Variants in DNAJC1 observed in about 807,000 individuals in gnomAD.
The protein encoded by DNAJC1 is dnaJ homolog subfamily C member 1.
Under a neutral mutation model 76.6 loss-of-function variants are expected in DNAJC1, and 58 were observed. The ratio of observed to expected loss-of-function variants is 0.76; its 90% confidence interval spans 0.61 to 0.94. The LOEUF is 0.94. DNAJC1 is among the 40% of genes least tolerant of loss of function. DNAJC1 has a pLI of 0.00. For synonymous variants in DNAJC1, 258 were observed against 267.9 expected (o/e 0.96, Z 0.36); for missense variants, 689 against 677.3 (o/e 1.02, Z -0.19).
At chr10:21,811,104 G>A (rs190733565) in intron 8 of DNAJC1, among the ~76,000 whole-genome samples, 3 of 152,236 alleles carry the variant, frequency 2.0e-5, no homozygotes, top group South Asian at 2.1e-4. Context: ...GACCTCCTCC[G>A]CTGAGGAGAT....
intron 9 of DNAJC1, among the ~76,000 whole-genome samples, chr10:21,796,311 A>G (rs1374484413): frequency 2.0e-5 from 3 of 152,102 alleles, no homozygotes; most frequent in Non-Finnish European, 4.4e-5. Context: ...TATTATATGT[A>G]CATCCCACAT....
chr10:21,929,277 T>C, intron 1 of DNAJC1, 136 bp from the exon 2 acceptor site: 1 of 609,486 alleles, frequency 1.6e-6, no homozygotes, highest in Non-Finnish European at 2.9e-6. Flanking sequence ...CAATCAGTCT[T>C]AACAACCAGG....
At chr10:21,903,530 A>T (rs905140232) in intron 7 of DNAJC1, among the ~76,000 whole-genome samples, 1 of 152,214 alleles carries the variant, frequency 6.6e-6, no homozygotes, top group Non-Finnish European at 1.5e-5. Flanking sequence ...GGTGTTTTAC[A>T]TGGCTAGGTG....
At chr10:21,801,612 T>A (rs1384524107) in intron 9 of DNAJC1, among the ~76,000 whole-genome samples, 1 of 152,150 alleles carries the variant, frequency 6.6e-6, no homozygotes, top group Non-Finnish European at 1.5e-5. Flanking sequence ...CTACCCTTTC[T>A]TTGACTCAGC....
At chr10:21,851,616 C>T (rs1835755482) in intron 8 of DNAJC1, among the ~76,000 whole-genome samples, 1 of 152,120 alleles carries the variant, frequency 6.6e-6, no homozygotes, top group South Asian at 2.1e-4. Context: ...ACCATCATCA[C>T]CTAGCAATTC....
chr10:22,003,566 C>T lies in DNAJC1; in HGVS notation c.-132G>A, dbSNP rs997606419. The T allele has an allele frequency of 8.8e-7, 1 of 1,131,510 alleles. No individual in the cohort carries two copies. The highest frequency in any genetic ancestry group is 1.6e-5 in the African/African-American group (1 of 61,246). 70.1% of individuals were successfully genotyped at this position (1,131,510 alleles called of 1,614,324 possible). A position where few individuals can be genotyped will look rare whatever the true frequency, so the allele number is the denominator to read the frequency against. On this transcript the variant is annotated 5_prime_UTR_variant, in exon 1 of 12. Transcript: ENST00000376980. ...CGGGCAGGCGCACCGGAGCGGCCCG[C>T]CAGGTGGCTGGCCCCAGACAGAGCG... is the stretch of plus-strand genomic sequence containing the variant.
intron 7 of DNAJC1, among the ~76,000 whole-genome samples, chr10:21,899,025 A>G (rs1227895307): frequency 6.6e-6 from 1 of 152,106 alleles, no homozygotes; most frequent in Non-Finnish European, 1.5e-5. Flanking sequence ...ATGGCCCCCC[A>G]GAGAGTGGCA....
chr10:21,875,422 T>C (rs969087364), intron 8 of DNAJC1, among the ~76,000 whole-genome samples: 6 of 152,100 alleles, frequency 3.9e-5, no homozygotes, highest in African/African-American at 1.4e-4. Flanking sequence ...TCCTGAAGTG[T>C]TAGGATTACA....
At chr10:21,846,859 G>GA (rs1213934294) in intron 8 of DNAJC1, among the ~76,000 whole-genome samples, 1 of 148,426 alleles carries the variant, frequency 6.7e-6, no homozygotes, top group Non-Finnish European at 1.5e-5. Flanking sequence ...TATCAAAGAT[G>GA]AAAGACAAAT....
chr10:21,996,983 A>G (rs1219001451), intron 1 of DNAJC1, among the ~76,000 whole-genome samples: 2 of 152,232 alleles, frequency 1.3e-5, no homozygotes, highest in African/African-American at 4.8e-5. Context: ...GATTCTGTGT[A>G]TCTCTTTCTC....
chr10:21,797,452 C>A (rs1336146872), intron 9 of DNAJC1, among the ~76,000 whole-genome samples: 3 of 152,166 alleles, frequency 2.0e-5, no homozygotes, highest in African/African-American at 7.2e-5. Flanking sequence ...TCCATATACA[C>A]TTCAGGATTG....
At chr10:21,818,599 C>T (rs958911342) in intron 8 of DNAJC1, among the ~76,000 whole-genome samples, 4 of 152,108 alleles carry the variant, frequency 2.6e-5, no homozygotes, top group Non-Finnish European at 4.4e-5. Context: ...CGGAAACTGC[C>T]GACATGTGAT....
At position 21,969,758 on chromosome 10, in the gene DNAJC1, C is replaced by G. The variant is rs555779901; in HGVS notation, c.222+33455G>C. ...CTATGAATAGCAGGAACAGTGATTA[C>G]TCTATGATTCACTATACAGCACCTT... On this transcript the variant is annotated intron_variant, in intron 1 of 11. Transcript: ENST00000376980. Among the ~76,000 whole-genome samples the G allele has an allele frequency of 2.0e-5, 3 of 152,234 alleles. No individual in the cohort carries two copies. In the South Asian group the frequency reaches 6.2e-4, roughly 32 times the overall value.
chr10:21,807,761 A>G (rs1016602894), intron 8 of DNAJC1, among the ~76,000 whole-genome samples: 2 of 152,186 alleles, frequency 1.3e-5, no homozygotes, highest in Admixed American at 6.5e-5. Context: ...ACATGCATAA[A>G]TTCACTTATA....
intron 8 of DNAJC1, 75 bp from the exon 9 acceptor site, chr10:21,806,174 T>C: frequency 2.0e-6 from 3 of 1,490,772 alleles, no homozygotes; most frequent in Non-Finnish European, 9.0e-7. Context: ...TAAAAAAAGA[T>C]AATTGAGAGA....
chr10:21,835,932 T>C (rs1035212508), intron 8 of DNAJC1, among the ~76,000 whole-genome samples: 3 of 152,052 alleles, frequency 2.0e-5, no homozygotes, highest in Non-Finnish European at 4.4e-5. Flanking sequence ...ACTTCCCCAA[T>C]CTAGCAAGGC....
At chr10:21,956,850 AC>A (rs1164832267) in intron 1 of DNAJC1, among the ~76,000 whole-genome samples, 8 of 148,712 alleles carry the variant, frequency 5.4e-5, no homozygotes, top group East Asian at 2.0e-4. Flanking sequence ...ACACACACAC[AC>A]ACAAGTAGGT....
chr10:21,929,275 C>T, intron 1 of DNAJC1, 134 bp from the exon 2 acceptor site: 5 of 610,766 alleles, frequency 8.2e-6, no homozygotes, highest in Non-Finnish European at 1.4e-5. Flanking sequence ...AGCAATCAGT[C>T]TTAACAACCA....
chr10:21,968,612 G>A lies in DNAJC1; in HGVS notation c.222+34601C>T, dbSNP rs528113353. 4.9e-4 allele frequency among the ~76,000 whole-genome samples: 75 copies of A among 151,516 alleles called. No individual in the cohort carries two copies. The South Asian group carries it at 9.6e-3, about 19-fold the overall frequency. On this transcript the variant is annotated intron_variant, in intron 1 of 11. Transcript: ENST00000376980. The stretch of plus-strand genomic sequence containing the variant: ...TGCAAGCTCTGCCTCCCAGGTTCAC[G>A]CCATTCTCCTGCCTCAGCCTCCCAA...
Sources: allele counts gnomAD v4.1 joint callset (sites outside exome capture counted in the v4.1 genomes callset), GRCh38; gene constraint gnomAD v4.1.1; transcripts MANE v1.5; gene names NCBI Gene and HGNC (gene_info 2026-07-23, HGNC 2026-07-21).